Variants in MARF1 observed in about 807,000 individuals in gnomAD.
MARF1 encodes the protein meiosis regulator and mRNA stability factor 1, also known as limkain-b1.
A neutral mutation model predicts 168.2 loss-of-function variants in MARF1; 24 were observed. The ratio of observed to expected loss-of-function variants is 0.14; its 90% confidence interval spans 0.10 to 0.20. The LOEUF is 0.20. Among genes scored for constraint, MARF1 ranks in the 10% least tolerant of loss-of-function variants. The pLI is 1.00. For missense variants in MARF1, 1,744 were observed against 2,143.6 expected, an observed-to-expected ratio of 0.81 and a Z score of 3.68; for synonymous variants, 868 against 822.4, an observed-to-expected ratio of 1.06 and a Z score of -0.95.
At position 15,639,085 on chromosome 16, in the gene MARF1, GT is replaced by G. The variant is rs767100637; in HGVS notation, c.144+4del. The G allele has an allele frequency of 2.0e-5, 33 of 1,612,868 alleles. No homozygotes were observed. Among genetic ancestry groups the G allele is most frequent in the Middle Eastern group, 1.6e-4 (1 of 6,080 alleles). ...TGCTACATCCTTAGTCTTGCATATA[GT>G]TACCGTTTGGGGACTATGTGGCAGC... On this transcript the variant is annotated splice_donor_region_variant and intron_variant, in intron 2 of 26. Coordinates refer to ENST00000396368, the MANE Select transcript of MARF1 (RefSeq NM_014647.4).
At chr16:15,608,629 A>G in intron 20 of MARF1, 111 bp from the exon 21 acceptor site, 1 of 719,356 alleles carries the variant, frequency 1.4e-6, no homozygotes, top group Non-Finnish European at 2.3e-6. Flanking sequence ...GCGTTACTGA[A>G]TGGGTATAAA....
At chr16:15,632,905 G>A (rs1312484324) in intron 5 of MARF1, among the ~76,000 whole-genome samples, 2 of 151,826 alleles carry the variant, frequency 1.3e-5, no homozygotes, top group African/African-American at 4.8e-5. Flanking sequence ...CACCTCTCAG[G>A]GCCTTAGTTT....
At chr16:15,601,015 A>C (rs1282060684) in intron 23 of MARF1, 2 of 611,618 alleles carry the variant, frequency 3.3e-6, no homozygotes, top group Non-Finnish European at 6.1e-6. Flanking sequence ...CTCACATGAG[A>C]GCTCTTTGCC....
At chr16:15,626,974 A>G (rs934267269) in intron 7 of MARF1, among the ~76,000 whole-genome samples, 11 of 151,188 alleles carry the variant, frequency 7.3e-5, no homozygotes, top group East Asian at 3.9e-4. Context: ...AAAAAAAAAA[A>G]AAAGAAAGAA....
At chr16:15,597,601 A>T (rs2031868115) in intron 26 of MARF1, among the ~76,000 whole-genome samples, 1 of 152,212 alleles carries the variant, frequency 6.6e-6, no homozygotes, top group African/African-American at 2.4e-5. Context: ...CCCACTGCAT[A>T]GGGCACAGGG....
At chr16:15,614,785 T>C (rs963401929) in intron 16 of MARF1, among the ~76,000 whole-genome samples, 1 of 150,570 alleles carries the variant, frequency 6.6e-6, no homozygotes, top group African/African-American at 2.4e-5. Flanking sequence ...AGAGCAAGAC[T>C]CCGTCTCAAA....
intron 2 of MARF1, among the ~76,000 whole-genome samples, chr16:15,638,624 G>T (rs950211444): frequency 2.0e-5 from 3 of 151,852 alleles, no homozygotes; most frequent in African/African-American, 7.3e-5. Flanking sequence ...CAATGAGTAA[G>T]CAAGAAGTTA....
chr16:15,601,037 GA>G (rs1164133579), intron 23 of MARF1: 1 of 568,946 alleles, frequency 1.8e-6, no homozygotes, highest in Admixed American at 2.2e-5. Flanking sequence ...TTTTTTTGCA[GA>G]AACTGAACAA....
intron 8 of MARF1, 54 bp from the exon 9 acceptor site, chr16:15,625,227 A>G: frequency 6.3e-7 from 1 of 1,593,682 alleles, no homozygotes. Flanking sequence ...AAGATGTGTT[A>G]GATCCTTTAC....
intron 21 of MARF1, among the ~76,000 whole-genome samples, chr16:15,607,206 TAC>T (rs2151074768): frequency 6.6e-6 from 1 of 152,308 alleles, no homozygotes; most frequent in South Asian, 2.1e-4. Context: ...TGAGCGTTCC[TAC>T]CTCTGCCAAG....
rs1407839482 is a variant in MARF1 at position 15,634,906 on chromosome 16, G to A, written c.857C>T (p.Ala286Val). 3 of 1,613,236 alleles carry A rather than the reference G, an allele frequency of 1.9e-6. No homozygotes were observed. Among genetic ancestry groups the A allele is most frequent in the Non-Finnish European group, 1.7e-6 (2 of 1,179,642 alleles). The change falls in exon 4 of 27, where the codon GCG becomes GTG. Residue 286 changes from alanine to valine, a missense_variant. Around this residue, in one of 7 missense-constraint regions of MARF1, gnomAD observed 217 missense variants for 372.4 expected, o/e 0.58. Transcript: ENST00000396368. ...NKPARNSIID[A>V]AKVWPNIPPP... ...TGGTATATTTGGCCAGACTTTAGCC[G>A]CATCGATTATGCTATTTCTTGCTGG...
chr16:15,642,771 G>T (rs2036113369), intron 1 of MARF1, among the ~76,000 whole-genome samples: 1 of 152,166 alleles, frequency 6.6e-6, no homozygotes, highest in African/African-American at 2.4e-5. Context: ...GGCGGGCGGG[G>T]AGCCAAATGC....
At position 15,617,034 on chromosome 16, in the gene MARF1, G is replaced by A. The variant is rs1415943766; in HGVS notation, c.3077+18C>T. 1.9e-6 allele frequency: 3 copies of A among 1,602,762 alleles called. No individual in the cohort carries two copies. Among genetic ancestry groups the A allele is most frequent in the Non-Finnish European group, 2.5e-6 (3 of 1,176,804 alleles). The stretch of plus-strand genomic sequence containing the variant: ...AGAACTAGGGCATTATATCGACAAA[G>A]GCTTTGAGATGGTTCACCTCAATAA... On this transcript the variant is annotated intron_variant, in intron 15 of 26. Transcript: ENST00000396368.
intron 13 of MARF1, among the ~76,000 whole-genome samples, chr16:15,617,768 C>A (rs1238004129): frequency 6.6e-6 from 1 of 152,134 alleles, no homozygotes. Flanking sequence ...TGAAAGCCAC[C>A]CCCAGCCCCT....
intron 22 of MARF1, 172 bp from the exon 23 acceptor site, chr16:15,602,375 A>G: frequency 1.6e-6 from 1 of 624,978 alleles, no homozygotes. Flanking sequence ...AAGATGACGA[A>G]GAAGAAGGAG....
intron 21 of MARF1, among the ~76,000 whole-genome samples, chr16:15,607,541 T>TC (rs1160835360): frequency 2.0e-5 from 3 of 151,996 alleles, no homozygotes; most frequent in Admixed American, 6.6e-5. Flanking sequence ...AGAGCAAGAC[T>TC]CCAACTCCAA....
intron 7 of MARF1, among the ~76,000 whole-genome samples, chr16:15,629,843 T>C (rs2151254675): frequency 6.6e-6 from 1 of 152,298 alleles, no homozygotes; most frequent in East Asian, 1.9e-4. Context: ...ATTGTGTCCA[T>C]GCACCACAGG....
At chr16:15,621,537 G>A (rs911405819) in intron 12 of MARF1, 196 bp downstream of exon 12, 5 of 587,258 alleles carry the variant, frequency 8.5e-6, no homozygotes, top group Non-Finnish European at 1.5e-5. Flanking sequence ...AGTTTAAGCT[G>A]TATTCCAGCT....
At chr16:15,628,175 T>C (rs977329281) in intron 7 of MARF1, among the ~76,000 whole-genome samples, 1 of 152,146 alleles carries the variant, frequency 6.6e-6, no homozygotes, top group African/African-American at 2.4e-5. Context: ...TTAATATATA[T>C]TAACATGAAA....
Sources: allele counts gnomAD v4.1 joint callset (sites outside exome capture counted in the v4.1 genomes callset), GRCh38; gene constraint gnomAD v4.1.1; regional missense constraint gnomAD v4.1.1; transcripts MANE v1.5; gene names NCBI Gene and HGNC (gene_info 2026-07-23, HGNC 2026-07-21).